ABCA12: variants seen among roughly 807,000 people sequenced by gnomAD.
The protein encoded by ABCA12 is glucosylceramide transporter ABCA12.
A neutral mutation model predicts 293.5 loss-of-function variants in ABCA12; 156 were observed. That is an observed-to-expected ratio of 0.53 (90% CI 0.47 to 0.61). The LOEUF is 0.61. ABCA12 is among the 20% of genes least tolerant of loss of function. ABCA12 has a pLI of 0.00. For synonymous variants in ABCA12, 1,063 were observed against 1,108.0 expected (o/e 0.96, Z 0.81); for missense variants, 2,797 against 3,090.2 (o/e 0.91, Z 2.25).
chr2:215,135,551 G>A (rs1703207444), intron 1 of ABCA12, among the ~76,000 whole-genome samples: 1 of 152,134 alleles, frequency 6.6e-6, no homozygotes, highest in Non-Finnish European at 1.5e-5. Context: ...TTTGCTGTGA[G>A]TAAAAGTATA....
chr2:215,035,219 G>T (rs372093825), intron 8 of ABCA12, among the ~76,000 whole-genome samples: 4 of 152,306 alleles, frequency 2.6e-5, no homozygotes, highest in African/African-American at 7.2e-5. Context: ...TTTAGGAATT[G>T]ACATTAATAC....
intron 36 of ABCA12, among the ~76,000 whole-genome samples, chr2:214,972,842 C>A (rs949803979): frequency 2.0e-5 from 3 of 151,314 alleles, no homozygotes; most frequent in African/African-American, 7.3e-5. Context: ...ACTTTTAATA[C>A]TGGGTTAAGA....
chr2:215,099,678 C>T (rs377410689), intron 2 of ABCA12, among the ~76,000 whole-genome samples: 8 of 130,140 alleles, frequency 6.1e-5, no homozygotes, highest in South Asian at 2.6e-4. Flanking sequence ...GGTGACAGAG[C>T]GAGACTTCAT....
At chr2:215,066,657 G>T (rs1371956674) in intron 2 of ABCA12, among the ~76,000 whole-genome samples, 1 of 152,102 alleles carries the variant, frequency 6.6e-6, no homozygotes, top group Non-Finnish European at 1.5e-5. Flanking sequence ...CCATGGTGTT[G>T]AAAGTATAGA....
chr2:215,011,465 G>T lies in ABCA12; in HGVS notation c.2306C>A (p.Ser769Ter). 6.2e-7 allele frequency: 1 copy of T among 1,613,682 alleles called. No homozygotes were observed. The highest frequency in any genetic ancestry group is 1.1e-5 in the South Asian group (1 of 91,072). Residue 769 changes from serine (S) to a stop codon, truncating the protein, a stop_gained, in exon 17 of 53, where the codon TCA (serine) becomes TAA (stop). Coordinates refer to ENST00000272895, the MANE Select transcript of ABCA12 (RefSeq NM_173076.3). LOFTEE classifies it high-confidence loss of function. ...TYKLTKEQIASKYGIPINSTP... is the reference protein window; with the variant it reads ...TYKLTKEQIA ...GGAATTTATGGGAATTCCATATTTT[G>T]AAGCAATTTGCTCTTTAGTTAATTT...
At chr2:214,993,872 G>T (rs796227648) in intron 23 of ABCA12, among the ~76,000 whole-genome samples, 28 of 152,156 alleles carry the variant, frequency 1.8e-4, no homozygotes, top group African/African-American at 6.7e-4. Context: ...AGATAATTTG[G>T]CAGGCTTGAA....
chr2:214,986,825 T>A, intron 27 of ABCA12, 97 bp from the exon 28 acceptor site: 1 of 1,076,236 alleles, frequency 9.3e-7, no homozygotes, highest in Non-Finnish European at 1.4e-6. Flanking sequence ...ACTATAAAAA[T>A]ATAACCCTCT....
In ABCA12 at chr2:214,978,804, C is replaced by T. The variant is rs1699580601; in HGVS notation, c.4977G>A (p.Glu1659=). ...CYGISDTTVE[E]VFLNLTKESQ... ...AAAAAAAAGAAATATTGAGGTATAC[C>T]TCCTCCACGGTGGTATCTGAAATGC... Residue 1659 remains glutamate (E), a splice_region_variant and synonymous_variant, in exon 32 of 53, where the codon GAG becomes GAA. Coordinates refer to ENST00000272895, the MANE Select transcript of ABCA12 (RefSeq NM_173076.3). 3.1e-6 allele frequency: 5 copies of T among 1,613,330 alleles called. No individual in the cohort carries two copies. Among genetic ancestry groups the T allele is most frequent in the Non-Finnish European group, 4.2e-6 (5 of 1,179,404 alleles).
At chr2:214,954,380 A>T (rs2105932005) in intron 43 of ABCA12, among the ~76,000 whole-genome samples, 1 of 152,226 alleles carries the variant, frequency 6.6e-6, no homozygotes, top group East Asian at 1.9e-4. Flanking sequence ...ACCTACCTTT[A>T]ATCCCAGGAA....
intron 37 of ABCA12, among the ~76,000 whole-genome samples, 187 bp from the exon 38 acceptor site, chr2:214,968,994 T>C (rs1444393943): frequency 6.6e-6 from 1 of 152,100 alleles, no homozygotes; most frequent in Non-Finnish European, 1.5e-5. Flanking sequence ...CAGTCTCAAG[T>C]GTACATTATA....
intron 2 of ABCA12, among the ~76,000 whole-genome samples, chr2:215,074,274 A>G (rs1701793065): frequency 6.6e-6 from 1 of 152,226 alleles, no homozygotes; most frequent in Non-Finnish European, 1.5e-5. Context: ...GTCTTAATGT[A>G]CTAAAACTTA....
chr2:215,011,175 C>A (rs1470495250), intron 17 of ABCA12, among the ~76,000 whole-genome samples: 1 of 152,106 alleles, frequency 6.6e-6, no homozygotes, highest in Non-Finnish European at 1.5e-5. Context: ...TAGCAGAGTA[C>A]CTGGGTTCAA....
At chr2:214,950,633 T>C (rs1395681985) in intron 45 of ABCA12, among the ~76,000 whole-genome samples, 1 of 151,326 alleles carries the variant, frequency 6.6e-6, no homozygotes, top group African/African-American at 2.4e-5. Flanking sequence ...GCCTCCCGAG[T>C]AACTGGGACT....
At position 215,000,870 on chromosome 2, in the gene ABCA12, G is replaced by A. The variant is rs1249011809; in HGVS notation, c.3014C>T (p.Pro1005Leu). The change falls in exon 22 of 53, where the codon CCA becomes CTA. Residue 1005 changes from proline to leucine, a missense_variant. Around this residue, in one of 3 missense-constraint regions of ABCA12, gnomAD observed 2,130 missense variants for 2,427.0 expected, o/e 0.88. Coordinates refer to ENST00000272895, the MANE Select transcript of ABCA12 (RefSeq NM_173076.3). Reference protein sequence around the residue: ...TRSLRTKIWAPGPHNSPSHNQ... With the variant: ...TRSLRTKIWALGPHNSPSHNQ... ...GTGTGATGGAGAATTGTGTGGCCCT[G>A]GAGCCCAAATCTTGGTTCTTAGGCT... is the stretch of plus-strand genomic sequence containing the variant. 1.2e-6 allele frequency: 2 copies of A among 1,614,010 alleles called. No homozygotes were observed. The highest frequency in any genetic ancestry group is 1.7e-5 in the Admixed American group (1 of 60,002).
intron 1 of ABCA12, among the ~76,000 whole-genome samples, chr2:215,114,040 C>A (rs1254967611): frequency 6.6e-6 from 1 of 152,028 alleles, no homozygotes; most frequent in Middle Eastern, 3.2e-3. Flanking sequence ...AGTGGTGCAA[C>A]CTCGGCTCAC....
intron 36 of ABCA12, among the ~76,000 whole-genome samples, chr2:214,970,975 A>G (rs918481464): frequency 1.3e-5 from 2 of 152,244 alleles, no homozygotes; most frequent in East Asian, 3.9e-4. Flanking sequence ...GATTTACAGA[A>G]AAGTCACAAA....
At chr2:214,976,243 T>C (rs1231182488) in intron 33 of ABCA12, among the ~76,000 whole-genome samples, 1 of 152,202 alleles carries the variant, frequency 6.6e-6, no homozygotes, top group Non-Finnish European at 1.5e-5. Context: ...CCATCTCATA[T>C]AGAACTGTGT....
rs139246428 is a variant in ABCA12, at chr2:215,052,615, C to CCACA, written c.410-35_410-32dup. The CCACA allele has an allele frequency of 2.7e-5, 40 of 1,497,830 alleles. No homozygotes were observed. In the African/African-American group the frequency reaches 4.8e-4, roughly 18 times the overall value. 92.8% of individuals were successfully genotyped at this position (1,497,830 alleles called of 1,614,324 possible). Reference sequence around the variant, plus strand: ...ATCAAAGAAGGAACAGATTAGCATTCCACACACACACACACAAATGCACAG... The same window carrying CCACA: ...ATCAAAGAAGGAACAGATTAGCATTCCACACACACACACACACACAAATGCACAG... On this transcript the variant is annotated intron_variant, in intron 4 of 52. Transcript: ENST00000272895.
chr2:214,980,093 T>C (rs1345247732), intron 31 of ABCA12, among the ~76,000 whole-genome samples: 1 of 152,226 alleles, frequency 6.6e-6, no homozygotes, highest in Non-Finnish European at 1.5e-5. Context: ...ATTGAATTTT[T>C]GGCTTTCTAG....
Sources: gnomAD v4.1 joint callset for allele counts (sites outside exome capture counted in the v4.1 genomes callset) on GRCh38, gnomAD v4.1.1 for gene constraint, gnomAD v4.1.1 regional missense constraint, MANE v1.5 for transcripts, NCBI Gene and HGNC (gene_info 2026-07-23, HGNC 2026-07-21) for gene names.